HMGXB4: variants seen among roughly 807,000 people sequenced by gnomAD.
HMGXB4 encodes HMG-box containing 4.
In HMGXB4, 27 loss-of-function variants were observed where a neutral mutation model predicts 63.9. That is an observed-to-expected ratio of 0.42 (90% confidence interval 0.31 to 0.58). The LOEUF (loss-of-function observed/expected upper bound fraction) is 0.58. HMGXB4 is among the 20% of genes least tolerant of loss of function. The pLI, the probability that HMGXB4 is intolerant of heterozygous loss-of-function variation, is 0.13. For missense variants in HMGXB4, 624 were observed against 700.7 expected (o/e 0.89, Z 1.24); for synonymous variants, 264 against 265.3 (o/e 0.99, Z 0.05).
chr22:35,277,594 C>T (rs563528037), intron 5 of HMGXB4, among the ~76,000 whole-genome samples: 8 of 152,284 alleles, frequency 5.3e-5, no homozygotes, highest in African/African-American at 1.2e-4. Flanking sequence ...GTGATCTGCC[C>T]GCCTTGGCCT....
intron 9 of HMGXB4, among the ~76,000 whole-genome samples, chr22:35,292,448 T>C (rs1924988222): frequency 6.6e-6 from 1 of 152,184 alleles, no homozygotes; most frequent in African/African-American, 2.4e-5. Context: ...GCAGCAACAG[T>C]CTTTCTTATC....
intron 6 of HMGXB4, among the ~76,000 whole-genome samples, chr22:35,284,642 G>A (rs1050586258): frequency 6.6e-6 from 1 of 152,228 alleles, no homozygotes; most frequent in South Asian, 2.1e-4. Flanking sequence ...TACTGAAAGT[G>A]AAAAACAGAA....
upstream of HMGXB4, among the ~76,000 whole-genome samples, chr22:35,254,540 T>G (rs1922310856): frequency 6.6e-6 from 1 of 152,136 alleles, no homozygotes; most frequent in South Asian, 2.1e-4. Flanking sequence ...CCTACCCACA[T>G]CCCCTGCTGG....
At position 35,265,017 on chromosome 22, in the gene HMGXB4, C is replaced by G. The variant is rs1371703822; in HGVS notation, c.629C>G (p.Ser210Cys). The G allele has an allele frequency of 6.2e-7, 1 of 1,612,612 alleles. No homozygotes were observed. The highest frequency in any genetic ancestry group is 1.7e-5 in the Admixed American group (1 of 60,000). ...EKGSSSVDEE[S>C]FQYPSQQATV... Reference sequence around the variant, plus strand: ...GGAAGCAGCTCTGTTGATGAGGAGTCTTTTCAATATCCCTCCCAACAAGCG... The same window carrying G: ...GGAAGCAGCTCTGTTGATGAGGAGTGTTTTCAATATCCCTCCCAACAAGCG... Residue 210 changes from serine (S) to cysteine (C), a missense_variant, in exon 5 of 11, where the codon TCT becomes TGT. Physicochemically the swap from Ser to Cys is moderately radical, Grantham distance 112 (BLOSUM62 -1). Coordinates refer to ENST00000216106, the MANE Select transcript of HMGXB4 (RefSeq NM_001003681.3).
At chr22:35,285,860 G>C (rs1569005213) in intron 6 of HMGXB4, 137 bp from the exon 7 acceptor site, 2 of 608,950 alleles carry the variant, frequency 3.3e-6, no homozygotes, top group Non-Finnish European at 2.9e-6. Context: ...ATGGGATTGG[G>C]GTTGGTTTTC....
chr22:35,281,297 T>A (rs761186484), intron 5 of HMGXB4, among the ~76,000 whole-genome samples: 2 of 152,248 alleles, frequency 1.3e-5, no homozygotes, highest in African/African-American at 4.8e-5. Context: ...CACTATTTTA[T>A]GCAGCTTAAC....
At chr22:35,292,387 A>T (rs771399183) in intron 9 of HMGXB4, among the ~76,000 whole-genome samples, 17 of 152,154 alleles carry the variant, frequency 1.1e-4, no homozygotes, top group Non-Finnish European at 1.9e-4. Context: ...TCCCAATATG[A>T]CATATTCTCA....
rs756126263 is a variant in HMGXB4 at position 35,288,325 on chromosome 22, C to T, written c.1556C>T (p.Thr519Ile). The T allele has an allele frequency of 6.2e-7, 1 of 1,613,252 alleles. No individual in the cohort carries two copies. The highest frequency in any genetic ancestry group is 1.1e-5 in the South Asian group (1 of 90,948). Residue 519 changes from threonine to isoleucine, a missense_variant, in exon 9 of 11, where the codon ACA becomes ATA. Thr to Ile is a moderately conservative substitution (Grantham distance 89, BLOSUM62 -1). Transcript: ENST00000216106. ...LPASPAKAPE[T>I]EPIDVAAHLQ... ...GCCTCACCAGCCAAAGCCCCTGAGA[C>T]AGAGCCCATTGATGTTGCTGCTCAT...
At chr22:35,268,228 C>G (rs890016820) in intron 5 of HMGXB4, among the ~76,000 whole-genome samples, 1 of 152,214 alleles carries the variant, frequency 6.6e-6, no homozygotes, top group African/African-American at 2.4e-5. Context: ...TCTTGTACCC[C>G]TCTCCAATCC....
chr22:35,263,312 TTTC>T, intron 3 of HMGXB4, 86 bp downstream of exon 3: 1 of 1,138,766 alleles, frequency 8.8e-7, no homozygotes, highest in Non-Finnish European at 1.2e-6. Context: ...TTTTTTTTTT[TTTC>T]TCTCATGGCC....
In HMGXB4 at chr22:35,265,033, C is replaced by T. The variant is rs771684284; in HGVS notation, c.645C>T (p.Ser215=). 3.1e-6 allele frequency: 5 copies of T among 1,613,684 alleles called. No individual in the cohort carries two copies. In the South Asian group the frequency reaches 5.5e-5, roughly 18 times the overall value. ...ATGAGGAGTCTTTTCAATATCCCTCCCAACAAGCGACTGTGAAAAAATCCT... is the reference window on the plus strand; with the variant it reads ...ATGAGGAGTCTTTTCAATATCCCTCTCAACAAGCGACTGTGAAAAAATCCT... ...SVDEESFQYP[S]QQATVKKSSK... Residue 215 remains serine, a synonymous_variant, in exon 5 of 11, where the codon TCC becomes TCT. Coordinates refer to ENST00000216106, the MANE Select transcript of HMGXB4 (RefSeq NM_001003681.3).
At chr22:35,263,728 G>C (rs2146401589) in intron 3 of HMGXB4, 68 bp from the exon 4 acceptor site, 2 of 1,047,478 alleles carry the variant, frequency 1.9e-6, no homozygotes, top group Non-Finnish European at 3.0e-6. Flanking sequence ...AATCATCAAA[G>C]ACAAGAGTGG....
the HMGXB4 span, among the ~76,000 whole-genome samples, chr22:35,250,067 A>C: frequency 9.0e-5 from 4 of 44,664 alleles, 2 homozygotes; most frequent in African/African-American, 1.4e-4. Context: ...GACACAAGGC[A>C]GTACTGACCC....
intron 2 of HMGXB4, 107 bp downstream of exon 2, chr22:35,262,528 G>A: frequency 1.8e-6 from 2 of 1,141,146 alleles, no homozygotes; most frequent in Non-Finnish European, 2.7e-6. Context: ...GGACTCCCAA[G>A]TGATGGTCCA....
Position 35,264,846 on chromosome 22 carries a change from G to A in HMGXB4, c.458G>A (p.Ser153Asn). ...AAGGAGCACCACAGGAAGAAAGTCA[G>A]TGGAAGCAGTGGGGAACTACCCCTA... is the stretch of plus-strand genomic sequence containing the variant. The part of the protein sequence containing the change: ...SKKEHHRKKV[S>N]GSSGELPLED... Residue 153 changes from serine (S) to asparagine (N), a missense_variant, in exon 5 of 11, where the codon AGT becomes AAT. Coordinates refer to ENST00000216106, the MANE Select transcript of HMGXB4 (RefSeq NM_001003681.3). 6.2e-7 allele frequency: 1 copy of A among 1,614,088 alleles called. No individual in the cohort carries two copies. Among genetic ancestry groups the A allele is most frequent in the Non-Finnish European group, 8.5e-7 (1 of 1,179,990 alleles).
chr22:35,261,795 A>G (rs1272438644), intron 1 of HMGXB4: 2 of 152,270 alleles, frequency 1.3e-5, no homozygotes, highest in Non-Finnish European at 2.9e-5. Flanking sequence ...TGCAAAAGAC[A>G]TTGTGCTCTA....
chr22:35,260,018 T>G (rs1432892771), intron 1 of HMGXB4, among the ~76,000 whole-genome samples: 1 of 152,210 alleles, frequency 6.6e-6, no homozygotes, highest in Non-Finnish European at 1.5e-5. Flanking sequence ...GATACAGTCA[T>G]CTTTCTTTCT....
At position 35,294,286 on chromosome 22, in the gene HMGXB4, G is replaced by T. The variant is rs1925114844; in HGVS notation, c.*635G>T. On this transcript the variant is annotated 3_prime_UTR_variant, in exon 11 of 11. Coordinates refer to ENST00000216106, the MANE Select transcript of HMGXB4 (RefSeq NM_001003681.3). ...ATTGTAATCATTGGTACCATTGGTG[G>T]CCTCAACAGAGGCCAAGGAGTTCTG... 1 of 152,334 alleles carries T rather than the reference G, an allele frequency of 6.6e-6. No individual in the cohort carries two copies. Among genetic ancestry groups the T allele is most frequent in the African/African-American group, 2.4e-5 (1 of 41,420 alleles). 9.4% of individuals were successfully genotyped at this position (152,334 alleles called of 1,614,324 possible). A position where few individuals can be genotyped will look rare whatever the true frequency, so the allele number is the denominator to read the frequency against.
chr22:35,244,848 C>A, the HMGXB4 span, among the ~76,000 whole-genome samples: 1 of 152,138 alleles, frequency 6.6e-6, no homozygotes, highest in Non-Finnish European at 1.5e-5. Flanking sequence ...AGTATACTCT[C>A]GTAACAAAAC....
Sources: gnomAD v4.1 joint callset for allele counts (sites outside exome capture counted in the v4.1 genomes callset) on GRCh38, gnomAD v4.1.1 for gene constraint, MANE v1.5 for transcripts, NCBI Gene and HGNC (gene_info 2026-07-23, HGNC 2026-07-21) for gene names.